Variants in SUSD1 observed in about 807,000 individuals in gnomAD.
SUSD1 encodes the protein sushi domain containing 1, also known as sushi domain-containing protein 1.
Under a neutral mutation model 86.9 loss-of-function variants are expected in SUSD1, and 65 were observed. The observed-to-expected ratio is 0.75, with a 90% CI of 0.61 to 0.92. The LOEUF is 0.92. SUSD1 is among the 40% of genes least tolerant of loss of function. The probability of loss-of-function intolerance (pLI) is 0.00; values close to 1 mark genes in which losing one functional copy is unlikely to be tolerated. For missense variants in SUSD1, 850 were observed against 929.7 expected (o/e 0.91, Z 1.11); for synonymous variants, 346 against 350.0 (o/e 0.99, Z 0.13).
chr9:112,119,614 T>C (rs775165562), intron 6 of SUSD1, among the ~76,000 whole-genome samples: 8 of 152,202 alleles, frequency 5.3e-5, no homozygotes, highest in Non-Finnish European at 1.2e-4. Flanking sequence ...AAAAGCCAAA[T>C]GGCCTGTGCA....
At chr9:112,073,287 A>T (rs944780725) in intron 12 of SUSD1, among the ~76,000 whole-genome samples, 3 of 152,220 alleles carry the variant, frequency 2.0e-5, no homozygotes, top group Non-Finnish European at 4.4e-5. Flanking sequence ...AGAAGTTGCC[A>T]GCCTTGGTAC....
chr9:112,068,624 C>T (rs1437741287), intron 12 of SUSD1, among the ~76,000 whole-genome samples: 2 of 151,640 alleles, frequency 1.3e-5, no homozygotes, highest in East Asian at 1.9e-4. Context: ...ATTGCTTGAG[C>T]CCGGGAGGCA....
chr9:112,116,352 C>T (rs1288553325), intron 6 of SUSD1, among the ~76,000 whole-genome samples: 1 of 152,168 alleles, frequency 6.6e-6, no homozygotes, highest in African/African-American at 2.4e-5. Context: ...TTGCTTTTCC[C>T]TCCAGGTGCC....
In SUSD1 at chr9:112,102,888, T is replaced by C. The variant is rs369376690; in HGVS notation, c.1172-603A>G. Among the ~76,000 whole-genome samples the C allele has an allele frequency of 3.3e-4, 50 of 152,334 alleles. No homozygotes were observed. The South Asian group carries it at 0.01, about 32-fold the overall frequency. ...TCAGAAAGCAGACTTGTTTTAACCATTGTACAGAAAAAAGTCATTTCATAC... is the reference window on the plus strand; with the variant it reads ...TCAGAAAGCAGACTTGTTTTAACCACTGTACAGAAAAAAGTCATTTCATAC... On this transcript the variant is annotated intron_variant, in intron 8 of 16. Transcript: ENST00000374270.
intron 14 of SUSD1, among the ~76,000 whole-genome samples, chr9:112,056,750 C>T (rs1341173673): frequency 6.6e-6 from 1 of 151,972 alleles, no homozygotes; most frequent in African/African-American, 2.4e-5. Context: ...CAGGGTCTCA[C>T]TCTGTTGCCC....
intron 5 of SUSD1, among the ~76,000 whole-genome samples, chr9:112,129,209 T>C (rs1035049503): frequency 7.2e-5 from 11 of 152,166 alleles, no homozygotes; most frequent in African/African-American, 2.7e-4. Context: ...TTCGTGGTGA[T>C]AGTTTGGATG....
rs527913858 is a variant in SUSD1 at position 112,150,433 on chromosome 9, G to A, written c.218-1034C>T. Among the ~76,000 whole-genome samples, 6 of 152,276 alleles carry A rather than the reference G, an allele frequency of 3.9e-5. No homozygotes were observed. In the East Asian group the frequency reaches 5.8e-4, roughly 15 times the overall value. On this transcript the variant is annotated intron_variant, in intron 2 of 16. Coordinates refer to ENST00000374270, the MANE Select transcript of SUSD1 (RefSeq NM_022486.5). Reference sequence around the variant, plus strand: ...TTTCACCAGTGGGCCCCTCATATCCGTTTAATGGCCTCTCACAATTGCACT... The same window carrying A: ...TTTCACCAGTGGGCCCCTCATATCCATTTAATGGCCTCTCACAATTGCACT...
chr9:112,163,828 T>C (rs1833668705), intron 1 of SUSD1, among the ~76,000 whole-genome samples: 1 of 150,970 alleles, frequency 6.6e-6, no homozygotes, highest in Non-Finnish European at 1.5e-5. Flanking sequence ...GTGAAACCTG[T>C]CTCTACTAAA....
rs1196821450 is a variant in SUSD1 at position 112,078,809 on chromosome 9, C to CACTTTTTTT, written c.1567-86_1567-85insAAAAAAAGT. 1.7e-5 allele frequency: 14 copies of CACTTTTTTT among 830,116 alleles called. No individual in the cohort carries two copies. In the African/African-American group the frequency reaches 3.0e-4, roughly 18 times the overall value. 51.4% of individuals were successfully genotyped at this position (830,116 alleles called of 1,614,324 possible). ...AAACCTCCCCTTTTCCTTTTTCTTT[C>CACTTTTTTT]TCTTTTTTTTTTTTTTTTTTTGAGA... On this transcript the variant is annotated intron_variant, in intron 11 of 16. Transcript: ENST00000374270.
intron 15 of SUSD1, chr9:112,042,182 AAGCC>A: frequency 1.3e-6 from 2 of 1,536,418 alleles, no homozygotes; most frequent in Non-Finnish European, 1.7e-6. Context: ...AGGAAGTGTA[AAGCC>A]AGACCATGTT....
rs1344419661 is a variant in SUSD1, at chr9:112,058,614, G to A, written c.1923C>T (p.Ser641=). The A allele has an allele frequency of 6.2e-7, 1 of 1,614,054 alleles. No individual in the cohort carries two copies. The highest frequency in any genetic ancestry group is 1.7e-5 in the Admixed American group (1 of 60,000). ...TFSCDSEGAS[S]FFSNASDADG... is the part of the protein sequence containing the mutation. Reference sequence around the variant, plus strand: ...CAGCATCAGAGGCGTTGCTAAAGAAGGAGGAAGCGCCTTCAGAATCACAAG... The same window carrying A: ...CAGCATCAGAGGCGTTGCTAAAGAAAGAGGAAGCGCCTTCAGAATCACAAG... Residue 641 remains serine (S), a synonymous_variant, in exon 14 of 17, where the codon TCC becomes TCT. Transcript: ENST00000374270.
intron 12 of SUSD1, among the ~76,000 whole-genome samples, chr9:112,071,883 G>A (rs1045364459): frequency 6.6e-6 from 1 of 152,100 alleles, no homozygotes; most frequent in African/African-American, 2.4e-5. Context: ...TCCAAGGCAT[G>A]GTAAATTAAA....
At chr9:112,140,238 T>C (rs1459013628) in intron 5 of SUSD1, among the ~76,000 whole-genome samples, 1 of 127,978 alleles carries the variant, frequency 7.8e-6, no homozygotes, top group Non-Finnish European at 1.6e-5. Flanking sequence ...GGCGGGCGCC[T>C]GTAGTCCCAG....
chr9:112,160,882 C>T (rs536930927), intron 1 of SUSD1, among the ~76,000 whole-genome samples: 1 of 152,156 alleles, frequency 6.6e-6, no homozygotes, highest in East Asian at 1.9e-4. Context: ...TTCACTGATG[C>T]CGCACAAAAC....
intron 12 of SUSD1, among the ~76,000 whole-genome samples, chr9:112,067,121 G>A (rs1052428722): frequency 1.1e-4 from 16 of 152,148 alleles, no homozygotes; most frequent in South Asian, 2.1e-4. Flanking sequence ...CAGGTGATCC[G>A]CCCACCTCTG....
At position 112,111,931 on chromosome 9, in the gene SUSD1, A is replaced by G; in HGVS notation, c.985-91T>C. ...CTGGAGCCCATTCTCCTACTATTCT[A>G]TTTTATACTGTGCTGCTCAGCCAGG... On this transcript the variant is annotated intron_variant, in intron 7 of 16. Coordinates refer to ENST00000374270, the MANE Select transcript of SUSD1 (RefSeq NM_022486.5). 3.8e-6 allele frequency: 5 copies of G among 1,329,868 alleles called. No homozygotes were observed. In the South Asian group the frequency reaches 6.9e-5, roughly 18 times the overall value. 82.4% of individuals were successfully genotyped at this position (1,329,868 alleles called of 1,614,324 possible). A position where few individuals can be genotyped will look rare whatever the true frequency, so the allele number is the denominator to read the frequency against.
chr9:112,108,774 C>CAAAAAAAAAAAAAAAAAAA (rs11312103), intron 8 of SUSD1, among the ~76,000 whole-genome samples: 1 of 68,604 alleles, frequency 1.5e-5, no homozygotes, highest in African/African-American at 4.8e-5. Context: ...CTGGGTGTCT[C>CAAAAAAAAAAAAAAAAAAA]AAAAAAAAAA....
At chr9:112,051,431 TTTGTTG>T (rs1270494254) in intron 15 of SUSD1, among the ~76,000 whole-genome samples, 125 of 109,632 alleles carry the variant, frequency 1.1e-3, no homozygotes, top group Non-Finnish European at 2.0e-3. Flanking sequence ...TTTTTTTTTT[TTTGTTG>T]TTGTTGTTGT....
rs188864560 is a variant in SUSD1 at position 112,149,230 on chromosome 9, C to T, written c.373+14G>A. ...ATCGCCAATTGTCAACACCGCAGCC[C>T]CCTTCTTGAGTACCTGTACAAAAGG... On this transcript the variant is annotated intron_variant, in intron 3 of 16. Transcript: ENST00000374270. 1.3e-3 allele frequency: 2,109 copies of T among 1,613,682 alleles called. 28 individuals carry two copies. The South Asian group carries it at 0.015, about 11-fold the overall frequency.
Sources: gnomAD v4.1 joint callset for allele counts (sites outside exome capture counted in the v4.1 genomes callset) on GRCh38, gnomAD v4.1.1 for gene constraint, MANE v1.5 for transcripts, NCBI Gene and HGNC (gene_info 2026-07-23, HGNC 2026-07-21) for gene names.